Variants in UNC13C observed in about 807,000 individuals in gnomAD.
The protein encoded by UNC13C is protein unc-13 homolog C.
A neutral mutation model predicts 245.4 loss-of-function variants in UNC13C; 174 were observed. The ratio of observed to expected loss-of-function variants is 0.71; its 90% CI spans 0.63 to 0.80. UNC13C has a LOEUF of 0.80. Among genes scored for constraint, UNC13C ranks in the 30% least tolerant of loss-of-function variants. UNC13C has a pLI of 0.00. For missense variants in UNC13C, 2,829 were observed against 2,602.9 expected (o/e 1.09, Z -1.89); for synonymous variants, 992 against 895.1 (o/e 1.11, Z -1.93).
chr15:54,161,103 T>A (rs1242155906), intron 4 of UNC13C, among the ~76,000 whole-genome samples: 3 of 152,188 alleles, frequency 2.0e-5, no homozygotes, highest in African/African-American at 7.2e-5. Context: ...ATTTTTAATT[T>A]TTTTAACTAT....
At chr15:54,335,069 T>C (rs1029901334) in intron 16 of UNC13C, among the ~76,000 whole-genome samples, 1 of 152,214 alleles carries the variant, frequency 6.6e-6, no homozygotes, top group African/African-American at 2.4e-5. Flanking sequence ...CTTCCTTGTA[T>C]GTGTCCATAT....
Position 54,358,483 on chromosome 15 carries a change from T to G in UNC13C, c.4713+19994T>G, listed in dbSNP as rs117207707. On this transcript the variant is annotated intron_variant, in intron 17 of 32. Coordinates refer to ENST00000260323, the MANE Select transcript of UNC13C (RefSeq NM_001080534.3). ...AATGTCATTCCAATTATTTGCATCTTCTTCAATTGATTTCATCAGTTATCT... is the reference window on the plus strand; with the variant it reads ...AATGTCATTCCAATTATTTGCATCTGCTTCAATTGATTTCATCAGTTATCT... Among the ~76,000 whole-genome samples the G allele has an allele frequency of 2.3e-3, 354 of 152,222 alleles. 1 individual carries two copies. The highest frequency in any genetic ancestry group is 3.7e-3 in the Non-Finnish European group (250 of 67,962).
the UNC13C span, among the ~76,000 whole-genome samples, chr15:53,972,980 T>C: frequency 1.3e-5 from 2 of 152,100 alleles, no homozygotes; most frequent in Admixed American, 1.3e-4. Flanking sequence ...AGAATATGAA[T>C]TATTAAGATT....
intron 4 of UNC13C, among the ~76,000 whole-genome samples, chr15:54,174,377 C>A (rs28504658): frequency 0.15 from 22,155 of 151,968 alleles, 3,040 homozygotes; most frequent in African/African-American, 0.36. Context: ...CAGTAGTGAG[C>A]TGGCTTATTT....
chr15:53,907,622 A>G, the UNC13C span, among the ~76,000 whole-genome samples: 2 of 152,200 alleles, frequency 1.3e-5, no homozygotes, highest in Non-Finnish European at 2.9e-5. Flanking sequence ...TAATGCTATT[A>G]TTAAAAAGTT....
intron 8 of UNC13C, among the ~76,000 whole-genome samples, chr15:54,254,346 T>C (rs930793108): frequency 1.8e-4 from 27 of 152,218 alleles, no homozygotes; most frequent in African/African-American, 6.0e-4. Flanking sequence ...GATGAACAGA[T>C]GTGAACATGT....
At chr15:54,525,340 A>T (rs975166498) in intron 24 of UNC13C, among the ~76,000 whole-genome samples, 2 of 151,952 alleles carry the variant, frequency 1.3e-5, no homozygotes, top group African/African-American at 4.8e-5. Context: ...TGCATTTCAA[A>T]CAATTTTTTG....
chr15:54,038,088 A>T (rs1355497704), intron 2 of UNC13C, among the ~76,000 whole-genome samples: 2 of 99,256 alleles, frequency 2.0e-5, no homozygotes, highest in Non-Finnish European at 3.7e-5. Flanking sequence ...GTGTGTGTGT[A>T]TATACATATA....
intron 2 of UNC13C, among the ~76,000 whole-genome samples, chr15:54,056,474 C>T (rs1897530500): frequency 6.6e-6 from 1 of 152,190 alleles, no homozygotes. Context: ...AAGACCAAAT[C>T]TACATCTAAT....
the UNC13C span, among the ~76,000 whole-genome samples, chr15:53,915,520 T>C: frequency 6.6e-6 from 1 of 152,160 alleles, no homozygotes; most frequent in Admixed American, 6.5e-5. Context: ...CAATGAAGGA[T>C]AGATGTTTGT....
At chr15:53,870,776 G>A in the UNC13C span, among the ~76,000 whole-genome samples, 1 of 152,146 alleles carries the variant, frequency 6.6e-6, no homozygotes, top group Non-Finnish European at 1.5e-5. Flanking sequence ...AAAGCACAGA[G>A]GTTTAAGAAG....
In UNC13C at chr15:54,627,063, G is replaced by T; in HGVS notation, c.6595G>T (p.Glu2199Ter). 6.2e-7 allele frequency: 1 copy of T among 1,612,906 alleles called. No homozygotes were observed. The highest frequency in any genetic ancestry group is 8.5e-7 in the Non-Finnish European group (1 of 1,179,392). Residue 2199 changes from glutamate (E) to a stop codon, truncating the protein, a stop_gained, in exon 33 of 33, where the codon GAA (glutamate) becomes TAA (stop). Transcript: ENST00000260323. LOFTEE classifies it high-confidence loss of function. ...SQRTSDDVAK[E>*]FVRLKSETRS... ...GAGGACCAGTGATGATGTGGCTAAA[G>T]AATTTGTAAGACTTAAATCTGAAAC...
chr15:54,100,174 C>A (rs1401546646), intron 2 of UNC13C, among the ~76,000 whole-genome samples: 10 of 151,214 alleles, frequency 6.6e-5, no homozygotes, highest in African/African-American at 2.4e-4. Context: ...TTCTTTTCTC[C>A]CCTTCACAAA....
chr15:54,367,630 G>A (rs2039393650), intron 17 of UNC13C, among the ~76,000 whole-genome samples: 1 of 152,278 alleles, frequency 6.6e-6, no homozygotes, highest in East Asian at 1.9e-4. Context: ...TTTTTAGACA[G>A]AGAATGTAAA....
intron 24 of UNC13C, among the ~76,000 whole-genome samples, chr15:54,515,892 G>A (rs1394840011): frequency 6.6e-6 from 1 of 152,168 alleles, no homozygotes; most frequent in Non-Finnish European, 1.5e-5. Context: ...TCATACCATG[G>A]TGGTAAAATT....
At chr15:54,220,783 C>G (rs189458279) in intron 4 of UNC13C, among the ~76,000 whole-genome samples, 4 of 150,606 alleles carry the variant, frequency 2.7e-5, no homozygotes, top group African/African-American at 9.9e-5. Context: ...ACTGCAATGT[C>G]TTATTGTTTC....
At chr15:54,383,182 C>T (rs2039764309) in intron 17 of UNC13C, among the ~76,000 whole-genome samples, 1 of 152,164 alleles carries the variant, frequency 6.6e-6, no homozygotes, top group South Asian at 2.1e-4. Context: ...ATTCTCCCTA[C>T]TCATTCTATG....
At chr15:54,594,661 G>A (rs1898974557) in intron 30 of UNC13C, among the ~76,000 whole-genome samples, 1 of 152,174 alleles carries the variant, frequency 6.6e-6, no homozygotes, top group Non-Finnish European at 1.5e-5. Context: ...TGTAGGGCCG[G>A]TCTCACTTCC....
chr15:54,409,343 T>A (rs986410416), intron 18 of UNC13C, among the ~76,000 whole-genome samples: 2 of 152,152 alleles, frequency 1.3e-5, no homozygotes, highest in Non-Finnish European at 2.9e-5. Flanking sequence ...GTTTGTTGTT[T>A]TATTTTAAAT....
Sources: gnomAD v4.1 joint callset for allele counts (sites outside exome capture counted in the v4.1 genomes callset) on GRCh38, gnomAD v4.1.1 for gene constraint, MANE v1.5 for transcripts, NCBI Gene and HGNC (gene_info 2026-07-23, HGNC 2026-07-21) for gene names.